Variants in NEDD4L observed in about 807,000 individuals in gnomAD.
The protein encoded by NEDD4L is E3 ubiquitin-protein ligase NEDD4-like.
Under a neutral mutation model 148.9 loss-of-function variants are expected in NEDD4L, and 54 were observed. That is an observed-to-expected ratio of 0.36 (90% CI 0.29 to 0.45). The LOEUF (loss-of-function observed/expected upper bound fraction) is 0.45. NEDD4L is among the 20% of genes least tolerant of loss of function. The probability of loss-of-function intolerance (pLI) is 1.00; values close to 1 mark genes in which losing one functional copy is unlikely to be tolerated. For synonymous variants in NEDD4L, 433 were observed against 440.7 expected (o/e 0.98, Z 0.22); for missense variants, 856 against 1,233.8 (o/e 0.69, Z 4.59).
At chr18:58,347,169 C>T (rs905699099) in intron 16 of NEDD4L, among the ~76,000 whole-genome samples, 2 of 147,548 alleles carry the variant, frequency 1.4e-5, no homozygotes, top group African/African-American at 5.1e-5. Flanking sequence ...GCCTCCCTGA[C>T]ACTTTTCTCT....
chr18:58,382,193 G>A (rs982677659), intron 24 of NEDD4L, among the ~76,000 whole-genome samples: 12 of 152,210 alleles, frequency 7.9e-5, no homozygotes, highest in Non-Finnish European at 1.5e-4. Context: ...TGGAGAAGCC[G>A]CATGAGAGAC....
chr18:58,252,155 G>A, intron 5 of NEDD4L, 101 bp downstream of exon 5: 1 of 762,388 alleles, frequency 1.3e-6, no homozygotes, highest in Non-Finnish European at 2.3e-6. Flanking sequence ...ACTTAGGACA[G>A]TATATGTGCC....
chr18:58,353,072 G>C (rs1408285857), intron 18 of NEDD4L, among the ~76,000 whole-genome samples: 1 of 148,886 alleles, frequency 6.7e-6, no homozygotes, highest in African/African-American at 2.6e-5. Context: ...TTAGGAAGTT[G>C]TTGTGCTTGA....
chr18:58,176,108 T>C (rs2038108864), intron 2 of NEDD4L, among the ~76,000 whole-genome samples: 1 of 150,124 alleles, frequency 6.7e-6, no homozygotes, highest in South Asian at 2.1e-4. Context: ...ATATGATCAG[T>C]TTACAAACAT....
chr18:58,305,688 A>T (rs2056975485), intron 5 of NEDD4L, among the ~76,000 whole-genome samples: 1 of 152,208 alleles, frequency 6.6e-6, no homozygotes, highest in Non-Finnish European at 1.5e-5. Context: ...ATCCTTGGAC[A>T]TCCTTGTTTT....
chr18:58,122,444 C>A (rs183911717), intron 1 of NEDD4L, among the ~76,000 whole-genome samples: 122 of 152,212 alleles, frequency 8.0e-4, no homozygotes, highest in African/African-American at 2.8e-3. Flanking sequence ...TTCCAGTGAG[C>A]CGAAATTGCG....
At chr18:58,377,538 G>T (rs561372885) in intron 24 of NEDD4L, among the ~76,000 whole-genome samples, 2 of 151,958 alleles carry the variant, frequency 1.3e-5, no homozygotes, top group African/African-American at 4.8e-5. Context: ...TGGTTTCTAG[G>T]GCCTAATATG....
chr18:58,368,657 G>A (rs1474709395), intron 22 of NEDD4L, among the ~76,000 whole-genome samples: 1 of 152,222 alleles, frequency 6.6e-6, no homozygotes, highest in Non-Finnish European at 1.5e-5. Flanking sequence ...TAGAGCCTTA[G>A]CTATTCTAAT....
chr18:58,309,315 G>T lies in NEDD4L; in HGVS notation c.298-6667G>T, dbSNP rs1480778251. On this transcript the variant is annotated intron_variant, in intron 5 of 30. Transcript: ENST00000400345. ...TCCTCCCTGCAAACTCCTCCCTCAG[G>T]ACCCTGCTTGAAGTTACGTCCTGCA... Among the ~76,000 whole-genome samples the T allele has an allele frequency of 2.0e-5, 3 of 152,112 alleles. No homozygotes were observed. In the East Asian group the frequency reaches 5.8e-4, roughly 29 times the overall value.
Position 58,345,727 on chromosome 18 carries a change from T to C in NEDD4L, c.1575+2624T>C, listed in dbSNP as rs77324881. 5.2e-3 allele frequency among the ~76,000 whole-genome samples: 791 copies of C among 152,020 alleles called. 10 individuals carry two copies. The highest frequency in any genetic ancestry group is 0.018 in the African/African-American group (767 of 41,506). On this transcript the variant is annotated intron_variant, in intron 16 of 30. Coordinates refer to ENST00000400345, the MANE Select transcript of NEDD4L (RefSeq NM_001144967.3). ...AGTATTTGGATAAAGTTTGGCCTCA[T>C]TCTCTTTTTTTTAATTATTATTTTT... is the stretch of plus-strand genomic sequence containing the variant.
At chr18:58,127,840 C>CAA (rs113559692) in intron 1 of NEDD4L, among the ~76,000 whole-genome samples, 2,534 of 113,636 alleles carry the variant, frequency 0.022, 107 homozygotes, top group East Asian at 0.12. Flanking sequence ...GACTCCGTCT[C>CAA]AAAAAAAAAA....
At chr18:58,272,836 C>T (rs1306865261) in intron 5 of NEDD4L, among the ~76,000 whole-genome samples, 1 of 152,132 alleles carries the variant, frequency 6.6e-6, no homozygotes, top group Non-Finnish European at 1.5e-5. Context: ...GTGGCCCCTG[C>T]CCTTGTGGAG....
At chr18:58,050,775 G>T (rs1343789225) in intron 1 of NEDD4L, among the ~76,000 whole-genome samples, 1 of 151,898 alleles carries the variant, frequency 6.6e-6, no homozygotes, top group African/African-American at 2.4e-5. Flanking sequence ...AATAAAAAAA[G>T]AATAGTAATA....
chr18:58,064,007 C>G (rs1321400667), intron 1 of NEDD4L, among the ~76,000 whole-genome samples: 1 of 136,508 alleles, frequency 7.3e-6, no homozygotes, highest in Admixed American at 7.9e-5. Context: ...TTCTGTTGCC[C>G]AGGCTGGAGT....
Position 58,256,153 on chromosome 18 carries a change from C to T in NEDD4L, c.297+4099C>T. On this transcript the variant is annotated intron_variant, in intron 5 of 30. Coordinates refer to ENST00000400345, the MANE Select transcript of NEDD4L (RefSeq NM_001144967.3). This position sits in a 1 kb window ranked among gnomAD's most constrained non-coding sequence, Gnocchi z 5.2. ...GGCTCCAGGTCAACGGCACGTGCGG[C>T]CGCCGCGTGCGGTGCTCCGGCCCCG... is the stretch of plus-strand genomic sequence containing the variant. The T allele has an allele frequency of 8.2e-7, 1 of 1,220,530 alleles. No homozygotes were observed. The highest frequency in any genetic ancestry group is 1.0e-6 in the Non-Finnish European group (1 of 980,932). The allele number at this position is 1,220,530 out of a possible 1,614,324, so 75.6% of individuals were successfully genotyped here.
chr18:58,188,961 A>G (rs1213445437), intron 2 of NEDD4L, among the ~76,000 whole-genome samples: 1 of 151,214 alleles, frequency 6.6e-6, no homozygotes, highest in Non-Finnish European at 1.5e-5. Context: ...CTCCCGGGCC[A>G]CTTTGTCATG....
At chr18:58,223,070 T>C (rs1338265355) in intron 2 of NEDD4L, among the ~76,000 whole-genome samples, 2 of 151,622 alleles carry the variant, frequency 1.3e-5, no homozygotes, top group Non-Finnish European at 2.9e-5. Flanking sequence ...TTTTAATGTC[T>C]GTAAGGAATA....
intron 1 of NEDD4L, among the ~76,000 whole-genome samples, chr18:58,146,701 A>G (rs1287271941): frequency 6.6e-6 from 1 of 152,054 alleles, no homozygotes; most frequent in African/African-American, 2.4e-5. Flanking sequence ...TGCAGTGGCT[A>G]GGGAGGCAGG....
chr18:58,369,640 G>C (rs935455521), intron 22 of NEDD4L, among the ~76,000 whole-genome samples: 3 of 152,288 alleles, frequency 2.0e-5, no homozygotes, highest in African/African-American at 4.8e-5. Context: ...GGTGCCTGGT[G>C]GGGGGATGAA....
Sources: allele counts gnomAD v4.1 joint callset (sites outside exome capture counted in the v4.1 genomes callset), GRCh38; gene constraint gnomAD v4.1.1; non-coding constraint Gnocchi (gnomAD v3.1); transcripts MANE v1.5; gene names NCBI Gene and HGNC (gene_info 2026-07-23, HGNC 2026-07-21).